The following STOX1 variants were observed in gnomAD, a reference collection of about 807,000 sequenced individuals.
The protein encoded by STOX1 is storkhead-box protein 1.
Under a neutral mutation model 74.8 loss-of-function variants are expected in STOX1, and 57 were observed. The observed-to-expected ratio is 0.76, with a 90% CI of 0.62 to 0.95. The LOEUF is 0.95. STOX1 is among the 40% of genes least tolerant of loss of function. The pLI, the probability that STOX1 is intolerant of heterozygous loss-of-function variation, is 0.00. For missense variants in STOX1, 1,010 were observed against 1,117.0 expected (o/e 0.90, Z 1.37); for synonymous variants, 375 against 401.3 (o/e 0.93, Z 0.78).
chr10:68,892,798 C>T lies in STOX1; in HGVS notation c.*62C>T, dbSNP rs1841129366. On this transcript the variant is annotated 3_prime_UTR_variant, in exon 4 of 4. Coordinates refer to ENST00000298596, the MANE Select transcript of STOX1 (RefSeq NM_152709.5). ...GGTAGAGCATTATTACAGAATCTTT[C>T]AATCATGTAAGAATTGAGTATATAA... The T allele has an allele frequency of 6.5e-7, 1 of 1,533,012 alleles. No individual in the cohort carries two copies. The highest frequency in any genetic ancestry group is 2.3e-5 in the East Asian group (1 of 44,210). The allele number at this position is 1,533,012 out of a possible 1,614,324, so 95.0% of individuals were successfully genotyped here. A position where few individuals can be genotyped will look rare whatever the true frequency, so the allele number is the denominator to read the frequency against.
At chr10:68,889,192 G>A (rs1841040702) in intron 3 of STOX1, among the ~76,000 whole-genome samples, 2 of 151,354 alleles carry the variant, frequency 1.3e-5, no homozygotes, top group Non-Finnish European at 3.0e-5. Flanking sequence ...GTCTGGTCTC[G>A]AACTCCTGGG....
At position 68,873,361 on chromosome 10, in the gene STOX1, C is replaced by T. The variant is rs1166697716; in HGVS notation, c.311-8597C>T. Among the ~76,000 whole-genome samples, 7 of 148,112 alleles carry T rather than the reference C, an allele frequency of 4.7e-5. No homozygotes were observed. In the East Asian group the frequency reaches 1.2e-3, roughly 26 times the overall value. ...CTGCAAGCTCCGCCTCCCGGGTTCA[C>T]GCCATTCTCCTGCCTCAGCCTCCTG... On this transcript the variant is annotated intron_variant, in intron 1 of 3. Transcript: ENST00000298596.
chr10:68,885,576 G>C lies in STOX1; in HGVS notation c.1780G>C (p.Asp594His). ...CCCTCAACAGAGCATGTTGCAAAAT[G>C]ATGGTAAATGCTGTCCCTTTATGGA... The part of the protein sequence containing the change: ...SHPQQSMLQN[D>H]GKCCPFMESM... The change falls in exon 3 of 4, where the codon GAT becomes CAT. Residue 594 changes from aspartate (D) to histidine (H), a missense_variant. Physicochemically the swap from Asp to His is moderately conservative, Grantham distance 81. Transcript: ENST00000298596. The C allele has an allele frequency of 6.2e-7, 1 of 1,614,224 alleles. No individual in the cohort carries two copies. The highest frequency in any genetic ancestry group is 8.5e-7 in the Non-Finnish European group (1 of 1,180,042).
chr10:68,858,313 G>A (rs970401794), intron 1 of STOX1, among the ~76,000 whole-genome samples: 1 of 152,198 alleles, frequency 6.6e-6, no homozygotes, highest in African/African-American at 2.4e-5. Context: ...GATTTCTTAA[G>A]AGTTGCAAAC....
chr10:68,830,030 C>G (rs777892307), intron 1 of STOX1, among the ~76,000 whole-genome samples: 1 of 152,044 alleles, frequency 6.6e-6, no homozygotes, highest in African/African-American at 2.4e-5. Context: ...GGGGTCTAGA[C>G]CTGGGGGCGA....
intron 1 of STOX1, among the ~76,000 whole-genome samples, chr10:68,881,727 T>G (rs1420420257): frequency 1.3e-5 from 2 of 149,730 alleles, no homozygotes; most frequent in African/African-American, 5.1e-5. Context: ...CATCTCTTAC[T>G]TGTAGAGACA....
chr10:68,862,039 T>C (rs1840279060), intron 1 of STOX1, among the ~76,000 whole-genome samples: 1 of 152,110 alleles, frequency 6.6e-6, no homozygotes, highest in South Asian at 2.1e-4. Context: ...TGATTAACTA[T>C]CTTTTGGTCT....
rs765372693 is a variant in STOX1 at position 68,827,675 on chromosome 10, C to G, written c.52C>G (p.Arg18Gly). ...GGGCTCGCTGGCGCTAGTGCTGTGC[C>G]GGCTGGAGGCGCAGAAGGCGGCGGG... ...APGSLALVLC[R>G]LEAQKAAGAA... The change falls in exon 1 of 4, where the codon CGG becomes GGG. Residue 18 changes from arginine to glycine, a missense_variant. Coordinates refer to ENST00000298596, the MANE Select transcript of STOX1 (RefSeq NM_152709.5). 8.9e-6 allele frequency: 10 copies of G among 1,121,764 alleles called. No homozygotes were observed. The South Asian group carries it at 1.3e-4, about 14-fold the overall frequency. 69.5% of individuals were successfully genotyped at this position (1,121,764 alleles called of 1,614,324 possible).
intron 1 of STOX1, among the ~76,000 whole-genome samples, chr10:68,855,271 C>A (rs183890051): frequency 6.6e-6 from 1 of 151,370 alleles, no homozygotes; most frequent in Non-Finnish European, 1.5e-5. Flanking sequence ...CAGGCATGCA[C>A]CACCACACCC....
intron 1 of STOX1, among the ~76,000 whole-genome samples, chr10:68,837,853 A>T (rs951645209): frequency 6.6e-6 from 1 of 152,226 alleles, no homozygotes; most frequent in Non-Finnish European, 1.5e-5. Context: ...TCGGACTCCA[A>T]TAAGATACCA....
intron 1 of STOX1, among the ~76,000 whole-genome samples, chr10:68,867,860 T>G (rs182263078): frequency 2.6e-4 from 40 of 152,364 alleles, no homozygotes; most frequent in African/African-American, 8.4e-4. Context: ...GGACAATATT[T>G]CTCTACCGCA....
At chr10:68,893,255 T>G (rs189094157), downstream of STOX1, among the ~76,000 whole-genome samples, 1 of 152,354 alleles carries the variant, frequency 6.6e-6, no homozygotes, top group Non-Finnish European at 1.5e-5. Context: ...TACATAAATG[T>G]GTTGGCTACT....
At position 68,884,830 on chromosome 10, in the gene STOX1, G is replaced by T. The variant is rs373094820; in HGVS notation, c.1034G>T (p.Arg345Leu). The T allele has an allele frequency of 6.2e-7, 1 of 1,614,162 alleles. No individual in the cohort carries two copies. The change falls in exon 3 of 4, where the codon CGA becomes CTA. Residue 345 changes from arginine to leucine, a missense_variant. Coordinates refer to ENST00000298596, the MANE Select transcript of STOX1 (RefSeq NM_152709.5). ...AQFPPEEWPV[R>L]DEDDLDNIPR... The stretch of plus-strand genomic sequence containing the variant: ...TTCCCACCTGAAGAATGGCCCGTCC[G>T]AGATGAAGATGACTTGGACAATATC...
At chr10:68,838,102 T>A (rs1009798488) in intron 1 of STOX1, among the ~76,000 whole-genome samples, 2 of 151,922 alleles carry the variant, frequency 1.3e-5, no homozygotes, top group African/African-American at 2.4e-5. Flanking sequence ...GGTCTGGCTC[T>A]GTTGCCCAGG....
intron 1 of STOX1, among the ~76,000 whole-genome samples, chr10:68,873,694 TC>T (rs1840604487): frequency 1.4e-5 from 2 of 147,634 alleles, no homozygotes; most frequent in South Asian, 4.3e-4. Context: ...TCTCGCTTTG[TC>T]GCCCAGGCTG....
At chr10:68,830,134 C>T (rs1397570535) in intron 1 of STOX1, among the ~76,000 whole-genome samples, 2 of 152,026 alleles carry the variant, frequency 1.3e-5, no homozygotes, top group Non-Finnish European at 2.9e-5. Flanking sequence ...TGTTTGCTGC[C>T]ATCTGAAATA....
At chr10:68,850,369 T>C (rs1290508270) in intron 1 of STOX1, among the ~76,000 whole-genome samples, 1 of 152,208 alleles carries the variant, frequency 6.6e-6, no homozygotes, top group Non-Finnish European at 1.5e-5. Context: ...TAGTTATATT[T>C]GCTGGTTGAA....
At chr10:68,847,081 CCTT>C (rs1208439534) in intron 1 of STOX1, among the ~76,000 whole-genome samples, 2 of 152,108 alleles carry the variant, frequency 1.3e-5, no homozygotes, top group African/African-American at 2.4e-5. Flanking sequence ...TCTTTGAACA[CCTT>C]CTGTGAAACA....
chr10:68,866,951 T>TTTTG (rs1186400381), intron 1 of STOX1, among the ~76,000 whole-genome samples: 3 of 150,476 alleles, frequency 2.0e-5, no homozygotes, highest in Non-Finnish European at 4.4e-5. Flanking sequence ...CCTTGTTTTT[T>TTTTG]TTTTTTTTTT....
Sources: allele counts gnomAD v4.1 joint callset (sites outside exome capture counted in the v4.1 genomes callset), GRCh38; gene constraint gnomAD v4.1.1; transcripts MANE v1.5; gene names NCBI Gene and HGNC (gene_info 2026-07-23, HGNC 2026-07-21).